EPN2: variants seen among roughly 807,000 people sequenced by gnomAD.
EPN2 encodes the protein epsin-2.
In EPN2, 34 loss-of-function variants were observed where a neutral mutation model predicts 61.7. The ratio of observed to expected loss-of-function variants is 0.55; its 90% CI spans 0.42 to 0.73. The LOEUF (loss-of-function observed/expected upper bound fraction) is 0.73. Among genes scored for constraint, EPN2 ranks in the 30% least tolerant of loss-of-function variants. The probability of loss-of-function intolerance (pLI) is 0.00; values close to 1 mark genes in which losing one functional copy is unlikely to be tolerated. For synonymous variants in EPN2, 349 were observed against 353.6 expected (o/e 0.99, Z 0.15); for missense variants, 714 against 839.2 (o/e 0.85, Z 1.84).
At chr17:19,254,736 A>G (rs1277499698) in intron 1 of EPN2, among the ~76,000 whole-genome samples, 3 of 152,002 alleles carry the variant, frequency 2.0e-5, no homozygotes, top group Non-Finnish European at 2.9e-5. Flanking sequence ...GAGCACTGGA[A>G]TGGAGGTGGG....
At chr17:19,268,214 A>AGTTGCAGT (rs1331975115) in intron 1 of EPN2, among the ~76,000 whole-genome samples, 1 of 152,166 alleles carries the variant, frequency 6.6e-6, no homozygotes, top group African/African-American at 2.4e-5. Flanking sequence ...TGGAGCACCC[A>AGTTGCAGT]GTTGCAGTGT....
chr17:19,279,756 T>C (rs1029036883), intron 1 of EPN2: 2 of 151,706 alleles, frequency 1.3e-5, no homozygotes, highest in African/African-American at 4.8e-5. Flanking sequence ...CTTTTTTTTT[T>C]CTTAGGACAT....
chr17:19,266,907 C>T (rs1366326290), intron 1 of EPN2, among the ~76,000 whole-genome samples: 6 of 148,700 alleles, frequency 4.0e-5, no homozygotes, highest in Non-Finnish European at 7.5e-5. Context: ...ACTGAACCTG[C>T]CGGGCACGGT....
chr17:19,333,047 C>T (rs1022952913), intron 10 of EPN2, among the ~76,000 whole-genome samples: 2 of 152,226 alleles, frequency 1.3e-5, no homozygotes, highest in African/African-American at 4.8e-5. Context: ...CTGGCCAACC[C>T]TGAGGTCCTG....
chr17:19,238,992 G>A (rs568590821), intron 1 of EPN2, among the ~76,000 whole-genome samples: 2 of 152,292 alleles, frequency 1.3e-5, no homozygotes, highest in East Asian at 3.9e-4. Context: ...TGCTGAATCT[G>A]GCACAGCAGT....
chr17:19,326,408 C>T (rs1235262835), intron 7 of EPN2, among the ~76,000 whole-genome samples: 1 of 152,082 alleles, frequency 6.6e-6, no homozygotes, highest in African/African-American at 2.4e-5. Context: ...TGCAAGTGGC[C>T]AGGCGTGGTG....
At chr17:19,304,458 C>A (rs1025853048) in intron 4 of EPN2, among the ~76,000 whole-genome samples, 1 of 152,226 alleles carries the variant, frequency 6.6e-6, no homozygotes, top group African/African-American at 2.4e-5. Flanking sequence ...TAGGTCAGCC[C>A]AGCAGAAAGC....
Position 19,289,727 on chromosome 17 carries a change from T to TTG in EPN2, c.766+3938_766+3939insGT, listed in dbSNP as rs200759698. Among the ~76,000 whole-genome samples, 139 of 114,292 alleles carry TTG rather than the reference T, an allele frequency of 1.2e-3. 13 individuals are homozygous for TTG. The East Asian group carries it at 0.031, about 25-fold the overall frequency. The allele number at this position is 114,292 out of a possible 152,430, so 75.0% of individuals were successfully genotyped here. On this transcript the variant is annotated intron_variant, in intron 4 of 10. Coordinates refer to ENST00000314728, the MANE Select transcript of EPN2 (RefSeq NM_014964.5). ...TCGGCCTCACCTGGCGCTCATGGTT[T>TTG]TTTTTTTTTTTTTTTTTGAGATGGA...
chr17:19,329,522 G>T (rs770200420), intron 8 of EPN2, 39 bp from the exon 9 acceptor site: 18 of 1,373,316 alleles, frequency 1.3e-5, no homozygotes, highest in Non-Finnish European at 1.9e-5. Context: ...ATGAAGTCCT[G>T]TGAGATGCCC....
rs1359621579 is a variant in EPN2 at position 19,257,266 on chromosome 17, CTG to C, written c.-294+19739_-294+19740del. Among the ~76,000 whole-genome samples, 14 of 152,034 alleles carry C rather than the reference CTG, an allele frequency of 9.2e-5. No individual in the cohort carries two copies. In the South Asian group the frequency reaches 2.7e-3, roughly 29 times the overall value. ...TCTGGTAATCAGTAGTTTCCAAAGACTGTGTAAAAGTCAGGTCTACCAAAACA... is the reference window on the plus strand; with the variant it reads ...TCTGGTAATCAGTAGTTTCCAAAGACTGTAAAAGTCAGGTCTACCAAAACA... On this transcript the variant is annotated intron_variant, in intron 1 of 10. Coordinates refer to ENST00000314728, the MANE Select transcript of EPN2 (RefSeq NM_014964.5).
intron 7 of EPN2, among the ~76,000 whole-genome samples, chr17:19,325,814 C>T (rs940232831): frequency 2.1e-5 from 2 of 93,666 alleles, no homozygotes; most frequent in African/African-American, 8.2e-5. Context: ...TGGGATTGTA[C>T]ATAGAACATG....
At position 19,285,737 on chromosome 17, in the gene EPN2, G is replaced by A. The variant is rs759816484; in HGVS notation, c.713G>A (p.Arg238His). The A allele has an allele frequency of 1.1e-5, 17 of 1,608,102 alleles. No individual in the cohort carries two copies. The highest frequency in any genetic ancestry group is 3.3e-5 in the South Asian group (3 of 89,892). ...CTGCCGCACCTGGGGCTGGCCTCCCGCCCAAATGGCGACTGGTCCCAGCCC... is the reference window on the plus strand; with the variant it reads ...CTGCCGCACCTGGGGCTGGCCTCCCACCCAAATGGCGACTGGTCCCAGCCC... ...PFLPHLGLAS[R>H]PNGDWSQPCL... is the part of the protein sequence containing the mutation. The change falls in exon 4 of 11, where the codon CGC (arginine) becomes CAC (histidine). Residue 238 changes from arginine to histidine, a missense_variant. Physicochemically the swap from Arg to His is conservative, Grantham distance 29. This residue lies in a region of EPN2 where 304 missense variants were observed against 417.4 expected (regional missense o/e 0.73). Transcript: ENST00000314728. This position sits in a 1 kb window ranked among gnomAD's most constrained non-coding sequence, Gnocchi z 4.5.
At chr17:19,246,184 C>A (rs1443105688) in intron 1 of EPN2, among the ~76,000 whole-genome samples, 2 of 151,778 alleles carry the variant, frequency 1.3e-5, no homozygotes, top group African/African-American at 4.8e-5. Flanking sequence ...ATGGTGAAAC[C>A]CCATCTCTAC....
In EPN2 at chr17:19,285,724, G is replaced by C. The variant is rs1484529526; in HGVS notation, c.700G>C (p.Gly234Arg). 1 of 1,607,382 alleles carries C rather than the reference G, an allele frequency of 6.2e-7. No individual in the cohort carries two copies. The highest frequency in any genetic ancestry group is 1.7e-5 in the Admixed American group (1 of 59,546). ...SQRHPFLPHL[G>R]LASRPNGDWS... ...GCGCCACCCCTTCCTGCCGCACCTG[G>C]GGCTGGCCTCCCGCCCAAATGGCGA... The change falls in exon 4 of 11, where the codon GGG becomes CGG. Residue 234 changes from glycine to arginine, a missense_variant. This residue lies in a region of EPN2 where 304 missense variants were observed against 417.4 expected (regional missense o/e 0.73). Coordinates refer to ENST00000314728, the MANE Select transcript of EPN2 (RefSeq NM_014964.5). The surrounding 1 kb of genome is among the most constrained non-coding windows in gnomAD (Gnocchi z 4.5).
chr17:19,321,389 A>G (rs1906629539), intron 7 of EPN2, among the ~76,000 whole-genome samples: 1 of 152,192 alleles, frequency 6.6e-6, no homozygotes, highest in Non-Finnish European at 1.5e-5. Flanking sequence ...ATTTCTCTGT[A>G]GCTCCAGTAC....
At chr17:19,242,980 C>T (rs1308559393) in intron 1 of EPN2, among the ~76,000 whole-genome samples, 3 of 152,144 alleles carry the variant, frequency 2.0e-5, no homozygotes, top group African/African-American at 7.2e-5. Context: ...TGGCAGATAG[C>T]TTTGGAATGA....
chr17:19,267,497 G>T (rs1027410669), intron 1 of EPN2, among the ~76,000 whole-genome samples: 1 of 150,536 alleles, frequency 6.6e-6, no homozygotes, highest in Non-Finnish European at 1.5e-5. Context: ...GAATTTAAAA[G>T]TAAGTTGATG....
chr17:19,237,839 C>G (rs1567838080), intron 1 of EPN2, among the ~76,000 whole-genome samples: 1 of 152,124 alleles, frequency 6.6e-6, no homozygotes, highest in Non-Finnish European at 1.5e-5. Context: ...CCCCAGAGTC[C>G]AGGGCGCCCC....
chr17:19,265,433 C>A (rs909594827), intron 1 of EPN2, among the ~76,000 whole-genome samples: 2 of 151,732 alleles, frequency 1.3e-5, no homozygotes, highest in Non-Finnish European at 2.9e-5. Context: ...ACAAAGGTGT[C>A]TGAACTATTC....
Sources: gnomAD v4.1 joint callset for allele counts (sites outside exome capture counted in the v4.1 genomes callset) on GRCh38, gnomAD v4.1.1 for gene constraint, gnomAD v4.1.1 regional missense constraint, Gnocchi (gnomAD v3.1) non-coding constraint, MANE v1.5 for transcripts, NCBI Gene and HGNC (gene_info 2026-07-23, HGNC 2026-07-21) for gene names.